The following TNRC6C variants were observed in gnomAD, a reference collection of about 807,000 sequenced individuals.
The protein encoded by TNRC6C is trinucleotide repeat-containing gene 6C protein.
Under a neutral mutation model 153.7 loss-of-function variants are expected in TNRC6C, and 20 were observed. The observed-to-expected ratio is 0.13, with a 90% CI of 0.09 to 0.19. The LOEUF is 0.19. TNRC6C is among the 10% of genes least tolerant of loss of function. The probability of loss-of-function intolerance (pLI) is 1.00; values close to 1 mark genes in which losing one functional copy is unlikely to be tolerated. For synonymous variants in TNRC6C, 811 were observed against 841.4 expected, an observed-to-expected ratio of 0.96 and a Z score of 0.63; for missense variants, 1,987 against 2,172.0, an observed-to-expected ratio of 0.91 and a Z score of 1.69.
chr17:77,967,247 T>G (rs568734361), intron 1 of TNRC6C, among the ~76,000 whole-genome samples: 8 of 152,286 alleles, frequency 5.3e-5, no homozygotes, highest in Non-Finnish European at 1.0e-4. Context: ...CAAAAAAAAC[T>G]TCATTATCAT....
At chr17:78,071,217 G>A (rs934331620) in intron 6 of TNRC6C, 52 bp downstream of exon 8, 13 of 1,525,198 alleles carry the variant, frequency 8.5e-6, no homozygotes, top group Non-Finnish European at 1.2e-5. Flanking sequence ...AAAATGAAAT[G>A]CCCTCATTGT....
At chr17:78,050,101 C>T in exon 3 of TNRC6C, 1 of 1,608,810 alleles carries the variant, frequency 6.2e-7, no homozygotes, top group Non-Finnish European at 8.5e-7. Flanking sequence ...GGGAAAGCCC[C>T]CAAACCAGCA....
chr17:77,968,926 A>G (rs77930262), intron 1 of TNRC6C, among the ~76,000 whole-genome samples: 6,583 of 152,174 alleles, frequency 0.043, 455 homozygotes, highest in African/African-American at 0.15. Context: ...AGTTGGGAGT[A>G]GAGAGAGACC....
intron 1 of TNRC6C, among the ~76,000 whole-genome samples, chr17:77,986,143 A>C (rs888999231): frequency 1.3e-5 from 2 of 152,170 alleles, no homozygotes; most frequent in Admixed American, 1.3e-4. Flanking sequence ...TGGGCTGGGC[A>C]CAGTGGCTCA....
intron 14 of TNRC6C, 47 bp downstream of exon 16, chr17:78,091,654 T>A: frequency 7.2e-7 from 1 of 1,390,960 alleles, no homozygotes; most frequent in South Asian, 1.8e-5. Flanking sequence ...GCTGGCTTAT[T>A]AATCGATCGT....
chr17:78,040,855 G>A (rs568640645), intron 2 of TNRC6C, among the ~76,000 whole-genome samples: 1 of 152,282 alleles, frequency 6.6e-6, no homozygotes. Flanking sequence ...TAGTTGAAGG[G>A]GATGAGTCGG....
At chr17:78,102,389 C>G (rs1170715199) in intron 17 of TNRC6C, 85 bp from the exon 21 acceptor site, 1 of 1,268,820 alleles carries the variant, frequency 7.9e-7, no homozygotes, top group Non-Finnish European at 1.1e-6. Context: ...TGCTGTCCCA[C>G]ACTTCAGCAC....
chr17:77,984,364 A>G (rs1011327299), intron 1 of TNRC6C, among the ~76,000 whole-genome samples: 1 of 150,368 alleles, frequency 6.7e-6, no homozygotes, highest in East Asian at 1.9e-4. Flanking sequence ...CTTAAAAAAA[A>G]AAAACAAAAA....
upstream of TNRC6C, among the ~76,000 whole-genome samples, chr17:77,958,521 GGGC>G (rs1237244081): frequency 1.3e-5 from 2 of 152,066 alleles, no homozygotes; most frequent in African/African-American, 4.8e-5. Context: ...GGGCCGGGAG[GGGC>G]GCGCGGGGGA....
exon 20 of TNRC6C, chr17:78,105,797 C>G (rs534692764): frequency 6.6e-6 from 1 of 152,294 alleles, no homozygotes; most frequent in African/African-American, 2.4e-5. Context: ...TTATTAGCTT[C>G]TAACTTTGCA....
At chr17:78,001,805 A>T (rs2071417251), upstream of TNRC6C, among the ~76,000 whole-genome samples, 1 of 151,976 alleles carries the variant, frequency 6.6e-6, no homozygotes, top group South Asian at 2.1e-4. Context: ...TTTGACAGGG[A>T]TATGGAAGGG....
chr17:77,984,412 C>T (rs1485186581), intron 1 of TNRC6C, among the ~76,000 whole-genome samples: 42 of 151,476 alleles, frequency 2.8e-4, no homozygotes, highest in Non-Finnish European at 4.4e-5. Context: ...GCATTAGTGT[C>T]AGCTGCTCCA....
At chr17:77,979,905 T>C (rs568412396) in intron 1 of TNRC6C, among the ~76,000 whole-genome samples, 1 of 152,264 alleles carries the variant, frequency 6.6e-6, no homozygotes, top group South Asian at 2.1e-4. Flanking sequence ...CAAAATACAG[T>C]GGAACGATAT....
chr17:78,069,020 A>G (rs2072938242), intron 5 of TNRC6C, among the ~76,000 whole-genome samples: 1 of 152,242 alleles, frequency 6.6e-6, no homozygotes, highest in South Asian at 2.1e-4. Flanking sequence ...AGAGAGGCCT[A>G]ACTATGACCA....
intron 18 of TNRC6C, 100 bp from the exon 22 acceptor site, chr17:78,103,314 A>G (rs2073630934): frequency 7.3e-7 from 1 of 1,366,594 alleles, no homozygotes; most frequent in African/African-American, 1.5e-5. Flanking sequence ...AAACATTCCT[A>G]GTGTTTAGTG....
intron 17 of TNRC6C, 55 bp from the exon 21 acceptor site, chr17:78,102,419 C>T (rs745938423): frequency 2.7e-5 from 41 of 1,505,534 alleles, no homozygotes; most frequent in Admixed American, 5.7e-5. Flanking sequence ...TGGGGAGGGC[C>T]GCACTATCCA....
intron 3 of TNRC6C, among the ~76,000 whole-genome samples, chr17:78,053,149 A>G (rs1376862475): frequency 6.6e-6 from 1 of 152,204 alleles, no homozygotes; most frequent in East Asian, 1.9e-4. Context: ...GCCACTGAGC[A>G]TCATCAAGCT....
At chr17:78,047,117 G>A (rs2072427963) in intron 2 of TNRC6C, among the ~76,000 whole-genome samples, 1 of 152,118 alleles carries the variant, frequency 6.6e-6, no homozygotes, top group African/African-American at 2.4e-5. Context: ...ACCTGTCCAT[G>A]AGGGAACCCA....
intron 1 of TNRC6C, among the ~76,000 whole-genome samples, chr17:78,026,477 T>A (rs959856988): frequency 6.6e-6 from 1 of 152,244 alleles, no homozygotes; most frequent in Non-Finnish European, 1.5e-5. Context: ...TAAACTGATA[T>A]ATTCATTGTC....
Sources: gnomAD v4.1 joint callset for allele counts (sites outside exome capture counted in the v4.1 genomes callset) on GRCh38, gnomAD v4.1.1 for gene constraint, MANE v1.5 for transcripts, NCBI Gene and HGNC (gene_info 2026-07-23, HGNC 2026-07-21) for gene names.